The following CCDC30 variants were observed in gnomAD, a reference collection of about 807,000 sequenced individuals.
CCDC30 encodes the protein coiled-coil domain-containing protein 30.
A neutral mutation model predicts 100.2 loss-of-function variants in CCDC30; 70 were observed. The observed-to-expected ratio is 0.70, with a 90% CI of 0.58 to 0.85. The LOEUF is 0.85. Among genes scored for constraint, CCDC30 ranks in the 40% least tolerant of loss-of-function variants. CCDC30 has a pLI of 0.00. For missense variants in CCDC30, 652 were observed against 771.2 expected, an observed-to-expected ratio of 0.85 and a Z score of 1.83; for synonymous variants, 233 against 269.5, an observed-to-expected ratio of 0.86 and a Z score of 1.33.
At chr1:42,559,488 G>A (rs1400313664) in intron 6 of CCDC30, among the ~76,000 whole-genome samples, 1 of 152,130 alleles carries the variant, frequency 6.6e-6, no homozygotes, top group Non-Finnish European at 1.5e-5. Flanking sequence ...AGCAGGGGTT[G>A]CAATCCTAGT....
intron 11 of CCDC30, among the ~76,000 whole-genome samples, chr1:42,635,195 G>A (rs928976767): frequency 1.5e-4 from 23 of 151,882 alleles, no homozygotes; most frequent in Non-Finnish European, 1.0e-4. Context: ...ACAGGTGCCC[G>A]CCACCACACC....
chr1:42,456,441 C>G, the CCDC30 span: 2 of 1,025,894 alleles, frequency 1.9e-6, no homozygotes, highest in South Asian at 3.6e-5. Context: ...AGATCGGGAC[C>G]TAGTGTCAAA....
intron 6 of CCDC30, among the ~76,000 whole-genome samples, chr1:42,505,347 T>C (rs1300968931): frequency 2.0e-5 from 3 of 152,172 alleles, no homozygotes. Flanking sequence ...TACATTTTTC[T>C]TTTTCCCAAG....
chr1:42,479,478 T>G (rs1643923591), intron 1 of CCDC30, among the ~76,000 whole-genome samples: 1 of 151,652 alleles, frequency 6.6e-6, no homozygotes, highest in Non-Finnish European at 1.5e-5. Context: ...ATCAACAGAT[T>G]TTCAACAAAG....
chr1:42,503,778 G>A (rs1644356097), intron 6 of CCDC30, among the ~76,000 whole-genome samples: 1 of 152,098 alleles, frequency 6.6e-6, no homozygotes, highest in African/African-American at 2.4e-5. Flanking sequence ...CCTTAATGAG[G>A]ACTTCCTTAC....
chr1:42,571,547 G>A (rs1483911752), intron 7 of CCDC30, among the ~76,000 whole-genome samples: 1 of 152,048 alleles, frequency 6.6e-6, no homozygotes, highest in Non-Finnish European at 1.5e-5. Context: ...TGGGAAATGG[G>A]TTTTTACTAG....
At chr1:42,558,470 T>C (rs1211618920) in intron 6 of CCDC30, among the ~76,000 whole-genome samples, 2 of 152,150 alleles carry the variant, frequency 1.3e-5, no homozygotes, top group Non-Finnish European at 2.9e-5. Flanking sequence ...GTGCCAGACA[T>C]TGTGCTAAGT....
intron 9 of CCDC30, among the ~76,000 whole-genome samples, chr1:42,589,120 A>T (rs1319833239): frequency 6.6e-6 from 1 of 152,132 alleles, no homozygotes; most frequent in African/African-American, 2.4e-5. Context: ...TCATAGGGTC[A>T]TTTTGATGAG....
chr1:42,563,659 T>C (rs2148561351), intron 6 of CCDC30, among the ~76,000 whole-genome samples: 1 of 152,284 alleles, frequency 6.6e-6, no homozygotes, highest in African/African-American at 2.4e-5. Flanking sequence ...GGCGGGTGGA[T>C]CACCTTCAGA....
chr1:42,564,411 C>T (rs1339265732), intron 6 of CCDC30, among the ~76,000 whole-genome samples: 2 of 152,190 alleles, frequency 1.3e-5, no homozygotes, highest in South Asian at 2.1e-4. Context: ...TTCCTGGGTT[C>T]AAGCAATTCT....
At chr1:42,498,796 G>C in intron 5 of CCDC30, 22 bp from the exon 6 acceptor site, 3 of 1,138,410 alleles carry the variant, frequency 2.6e-6, no homozygotes, top group Non-Finnish European at 3.3e-6. Flanking sequence ...AAGTCTACAA[G>C]GTGTTTACTT....
chr1:42,625,362 G>T (rs891455662), intron 11 of CCDC30, among the ~76,000 whole-genome samples: 7 of 151,480 alleles, frequency 4.6e-5, no homozygotes, highest in Admixed American at 2.0e-4. Context: ...TCTTCATTTC[G>T]ATTTCATTTA....
intron 12 of CCDC30, among the ~76,000 whole-genome samples, chr1:42,638,223 T>C (rs941890325): frequency 2.6e-5 from 4 of 152,188 alleles, no homozygotes; most frequent in African/African-American, 7.2e-5. Flanking sequence ...GTGCAGTGGT[T>C]CATGCCTGTA....
In CCDC30 at chr1:42,580,731, A is replaced by T. The variant is rs547147559; in HGVS notation, c.847-629A>T. 306 of 364,500 alleles carry T rather than the reference A, an allele frequency of 8.4e-4. 2 individuals carry two copies. The highest frequency in any genetic ancestry group is 6.5e-3 in the South Asian group (298 of 45,518). 22.6% of individuals were successfully genotyped at this position (364,500 alleles called of 1,614,324 possible). ...AGTCTCTCTTTCAAATTTGTAAATC[A>T]TATTTTTAGTTCTCCCAGAGCATTA... On this transcript the variant is annotated intron_variant, in intron 8 of 16. Coordinates refer to ENST00000668663, the Ensembl canonical transcript of CCDC30.
At chr1:42,502,197 G>A (rs1156525054) in intron 6 of CCDC30, among the ~76,000 whole-genome samples, 5 of 152,112 alleles carry the variant, frequency 3.3e-5, no homozygotes, top group Admixed American at 6.5e-5. Flanking sequence ...CTTGCAGTTC[G>A]ATCTCAGACT....
intron 10 of CCDC30, among the ~76,000 whole-genome samples, chr1:42,600,244 A>T (rs1025308352): frequency 2.6e-5 from 4 of 152,234 alleles, no homozygotes; most frequent in African/African-American, 9.6e-5. Flanking sequence ...TCCAAGAAGA[A>T]AAAACAATCT....
chr1:42,656,486 C>T (rs755922528), downstream of CCDC30, among the ~76,000 whole-genome samples: 1 of 152,072 alleles, frequency 6.6e-6, no homozygotes, highest in Non-Finnish European at 1.5e-5. Context: ...CAAAAATTAG[C>T]CGGGTATGGT....
intron 1 of CCDC30, chr1:42,473,241 C>T: frequency 1.6e-6 from 2 of 1,231,548 alleles, no homozygotes; most frequent in Non-Finnish European, 2.0e-6. Context: ...TGAAGACAGG[C>T]TGAGGACTGC....
intron 6 of CCDC30, among the ~76,000 whole-genome samples, chr1:42,540,583 T>C (rs1331314930): frequency 6.6e-6 from 1 of 152,056 alleles, no homozygotes; most frequent in South Asian, 2.1e-4. Context: ...AGACTTCCCA[T>C]ATACTTTCAC....
Sources: allele counts gnomAD v4.1 joint callset (sites outside exome capture counted in the v4.1 genomes callset), GRCh38; gene constraint gnomAD v4.1.1; transcripts MANE v1.5; gene names NCBI Gene and HGNC (gene_info 2026-07-23, HGNC 2026-07-21).